The following PCDHGA6 variants were observed in gnomAD, a reference collection of about 807,000 sequenced individuals.
PCDHGA6 encodes protocadherin gamma subfamily A, 6.
PCDHGA6 carries 41 observed loss-of-function variants against 60.6 expected under a neutral mutation model. The ratio of observed to expected loss-of-function variants is 0.68; its 90% confidence interval spans 0.53 to 0.88. The LOEUF is 0.88. PCDHGA6 is among the 40% of genes least tolerant of loss of function. The pLI, the probability that PCDHGA6 is intolerant of heterozygous loss-of-function variation, is 0.00. For missense variants in PCDHGA6, 1,312 were observed against 1,203.0 expected (o/e 1.09, Z -1.34); for synonymous variants, 594 against 524.4 (o/e 1.13, Z -1.81).
chr5:141,431,965 T>C lies in PCDHGA6; in HGVS notation c.2424+55458T>C, dbSNP rs765281339. The C allele has an allele frequency of 4.0e-5, 64 of 1,614,098 alleles. No homozygotes were observed. In the East Asian group the frequency reaches 4.9e-4, roughly 12 times the overall value. On this transcript the variant is annotated intron_variant, in intron 1 of 3. Transcript: ENST00000517434. This position sits in a 1 kb window ranked among gnomAD's most constrained non-coding sequence, Gnocchi z 4.8. Reference sequence around the variant, plus strand: ...TAGAAAAATCTTACGGAAATTACTATAGTTTAGTCACAGACATAGTCTTGG... The same window carrying C: ...TAGAAAAATCTTACGGAAATTACTACAGTTTAGTCACAGACATAGTCTTGG...
Position 141,383,260 on chromosome 5 carries a change from G to C in PCDHGA6, c.2424+6753G>C, listed in dbSNP as rs375487349. On this transcript the variant is annotated intron_variant, in intron 1 of 3. Coordinates refer to ENST00000517434, the MANE Select transcript of PCDHGA6 (RefSeq NM_018919.3). ...TAAAATGAATCTTTACCCTATAGAC[G>C]TGGAAATAATAGATATTAATGACAA... 3.7e-6 allele frequency: 6 copies of C among 1,613,782 alleles called. No homozygotes were observed. The African/African-American group carries it at 6.7e-5, about 18-fold the overall frequency.
intron 1 of PCDHGA6, among the ~76,000 whole-genome samples, chr5:141,445,652 A>C (rs1307606419): frequency 6.6e-6 from 1 of 152,212 alleles, no homozygotes; most frequent in African/African-American, 2.4e-5. Context: ...TGAATAGATT[A>C]ATAGGATGAG....
At chr5:141,404,882 G>T (rs1380203392) in intron 1 of PCDHGA6, 3 of 1,613,772 alleles carry the variant, frequency 1.9e-6, no homozygotes, top group Non-Finnish European at 2.5e-6. Context: ...GAGCCTTGTG[G>T]TGGCTGTACA....
chr5:141,489,696 C>T lies in PCDHGA6; in HGVS notation c.2425-5111C>T. On this transcript the variant is annotated intron_variant, in intron 1 of 3. Transcript: ENST00000517434. This position sits in a 1 kb window ranked among gnomAD's most constrained non-coding sequence, Gnocchi z 4.5. ...AATCAGCAGCATCTGGGGCACGATT[C>T]CCACTGGACAGTGCCCAGGATCCGG... 6.2e-7 allele frequency: 1 copy of T among 1,614,170 alleles called. No homozygotes were observed. Among genetic ancestry groups the T allele is most frequent in the Non-Finnish European group, 8.5e-7 (1 of 1,180,002 alleles).
At chr5:141,440,982 A>G (rs940098060) in intron 1 of PCDHGA6, 4 of 152,234 alleles carry the variant, frequency 2.6e-5, no homozygotes, top group Non-Finnish European at 5.9e-5. Context: ...TTCACAACCC[A>G]GAGTACCCAT....
chr5:141,403,487 T>C, intron 1 of PCDHGA6: 1 of 1,613,930 alleles, frequency 6.2e-7, no homozygotes. Flanking sequence ...TCACCACTTC[T>C]CCCTGAACGT....
chr5:141,419,415 C>A, intron 1 of PCDHGA6: 2 of 1,613,434 alleles, frequency 1.2e-6, no homozygotes, highest in Non-Finnish European at 1.7e-6. Flanking sequence ...GCGCAGCGCG[C>A]CTTCGACCAC....
chr5:141,490,623 T>C lies in PCDHGA6; in HGVS notation c.2425-4184T>C. The C allele has an allele frequency of 3.1e-6, 5 of 1,614,174 alleles. No individual in the cohort carries two copies. The highest frequency in any genetic ancestry group is 4.2e-6 in the Non-Finnish European group (5 of 1,180,020). ...GCTTCAACCAGCAGCTTTACACTGC[T>C]TACATCCTAGAAAACCGGCCTCCGG... On this transcript the variant is annotated intron_variant, in intron 1 of 3. Coordinates refer to ENST00000517434, the MANE Select transcript of PCDHGA6 (RefSeq NM_018919.3). This position sits in a 1 kb window ranked among gnomAD's most constrained non-coding sequence, Gnocchi z 5.4.
chr5:141,491,126 G>A lies in PCDHGA6; in HGVS notation c.2425-3681G>A, dbSNP rs768294944. 1.4e-5 allele frequency: 23 copies of A among 1,613,978 alleles called. No individual in the cohort carries two copies. In the East Asian group the frequency reaches 3.1e-4, roughly 22 times the overall value. On this transcript the variant is annotated intron_variant, in intron 1 of 3. Transcript: ENST00000517434. This position sits in a 1 kb window ranked among gnomAD's most constrained non-coding sequence, Gnocchi z 6.9. ...GTGTCTACACACACTGGTGAGGTGCGCACAGCCCGGGCCTTACTGGAGGAT... is the reference window on the plus strand; with the variant it reads ...GTGTCTACACACACTGGTGAGGTGCACACAGCCCGGGCCTTACTGGAGGAT...
In PCDHGA6 at chr5:141,381,798, C is replaced by CTCTTTCTTTCTTTCTT. The variant is rs372235829; in HGVS notation, c.2424+5300_2424+5315dup. On this transcript the variant is annotated intron_variant, in intron 1 of 3. Coordinates refer to ENST00000517434, the MANE Select transcript of PCDHGA6 (RefSeq NM_018919.3). Reference sequence around the variant, plus strand: ...ATCAGGAACAAGGCAAGGCAATTCCCTCTTTCTTTCTTTCTTTCTTTCTTC... The same window carrying CTCTTTCTTTCTTTCTT: ...ATCAGGAACAAGGCAAGGCAATTCCCTCTTTCTTTCTTTCTTTCTTTCTTTCTTTCTTTCTTTCTTC... Among the ~76,000 whole-genome samples, 49 of 144,164 alleles carry CTCTTTCTTTCTTTCTT rather than the reference C, an allele frequency of 3.4e-4. 1 individual carries two copies. The highest frequency in any genetic ancestry group is 1.3e-3 in the African/African-American group (47 of 37,522). The allele number at this position is 144,164 out of a possible 152,430, so 94.6% of individuals were successfully genotyped here. A position where few individuals can be genotyped will look rare whatever the true frequency, so the allele number is the denominator to read the frequency against.
At position 141,390,587 on chromosome 5, in the gene PCDHGA6, A is replaced by G. The variant is rs1043489470; in HGVS notation, c.2424+14080A>G. The G allele has an allele frequency of 4.1e-5, 14 of 340,484 alleles. No homozygotes were observed. The Admixed American group carries it at 6.3e-4, about 15-fold the overall frequency. The allele number at this position is 340,484 out of a possible 1,614,324, so 21.1% of individuals were successfully genotyped here. A position where few individuals can be genotyped will look rare whatever the true frequency, so the allele number is the denominator to read the frequency against. Reference sequence around the variant, plus strand: ...TTGGCTCTCTCCTAAAAAGTGAATGAGATTTTTCCTATACATTTTCCTTCT... The same window carrying G: ...TTGGCTCTCTCCTAAAAAGTGAATGGGATTTTTCCTATACATTTTCCTTCT... On this transcript the variant is annotated intron_variant, in intron 1 of 3. Transcript: ENST00000517434.
intron 1 of PCDHGA6, chr5:141,383,106 A>T (rs760790560): frequency 6.2e-7 from 1 of 1,613,828 alleles, no homozygotes; most frequent in Non-Finnish European, 8.5e-7. Context: ...TCATCTCCAG[A>T]GGTAGGACGC....
chr5:141,383,880 T>A, intron 1 of PCDHGA6: 2 of 1,613,994 alleles, frequency 1.2e-6, no homozygotes, highest in Non-Finnish European at 1.7e-6. Context: ...GTCCTGGTAG[T>A]CTGACAAAGG....
intron 1 of PCDHGA6, chr5:141,478,942 C>G: frequency 1.7e-6 from 1 of 579,218 alleles, no homozygotes; most frequent in Non-Finnish European, 2.9e-6. Context: ...TCTAGGAATA[C>G]AAAAACTACC....
chr5:141,417,902 C>G (rs2096184021), intron 1 of PCDHGA6: 1 of 1,588,280 alleles, frequency 6.3e-7, no homozygotes, highest in Non-Finnish European at 8.6e-7. Context: ...CGGCCCGCGG[C>G]AGGTACTATT....
At chr5:141,393,792 C>A (rs757880855) in intron 1 of PCDHGA6, 1 of 1,613,908 alleles carries the variant, frequency 6.2e-7, no homozygotes, top group Non-Finnish European at 8.5e-7. Flanking sequence ...TGTGGGGGCA[C>A]TTCTGGGGAG....
intron 1 of PCDHGA6, among the ~76,000 whole-genome samples, chr5:141,420,713 G>GT (rs1303648273): frequency 3.3e-5 from 5 of 152,078 alleles, no homozygotes; most frequent in African/African-American, 1.2e-4. Context: ...CAGAAATGTC[G>GT]TTCCTTTCAG....
At chr5:141,503,598 CAAAAAAA>C (rs765754054) in intron 2 of PCDHGA6, among the ~76,000 whole-genome samples, 8 of 65,766 alleles carry the variant, frequency 1.2e-4, no homozygotes, top group South Asian at 1.1e-3. Context: ...GACTCCAGCT[CAAAAAAA>C]AAAAAAAAAG....
chr5:141,421,850 C>T, intron 1 of PCDHGA6: 1 of 1,613,752 alleles, frequency 6.2e-7, no homozygotes, highest in Non-Finnish European at 8.5e-7. Context: ...AAAGAGGCTG[C>T]TCACCTGCTC....
Sources: gnomAD v4.1 joint callset for allele counts (sites outside exome capture counted in the v4.1 genomes callset) on GRCh38, gnomAD v4.1.1 for gene constraint, Gnocchi (gnomAD v3.1) non-coding constraint, MANE v1.5 for transcripts, NCBI Gene and HGNC (gene_info 2026-07-23, HGNC 2026-07-21) for gene names.